MYO1D: variants seen among roughly 807,000 people sequenced by gnomAD.
The protein encoded by MYO1D is myosin ID.
MYO1D carries 83 observed loss-of-function variants against 122.0 expected under a neutral mutation model. The ratio of observed to expected loss-of-function variants is 0.68; its 90% CI spans 0.57 to 0.82. MYO1D has a LOEUF of 0.82. Ranked by LOEUF, MYO1D falls within the 40% of genes least tolerant of loss-of-function variation. MYO1D has a pLI of 0.00. For missense variants in MYO1D, 1,157 were observed against 1,269.5 expected (o/e 0.91, Z 1.35); for synonymous variants, 464 against 446.9 (o/e 1.04, Z -0.48).
At chr17:32,679,820 G>A (rs892117752) in intron 16 of MYO1D, among the ~76,000 whole-genome samples, 3 of 150,978 alleles carry the variant, frequency 2.0e-5, no homozygotes, top group African/African-American at 7.4e-5. Context: ...GCTTGATGGG[G>A]ATGGCATTGA....
chr17:32,511,794 T>C (rs990283026), intron 21 of MYO1D, among the ~76,000 whole-genome samples: 8 of 152,204 alleles, frequency 5.3e-5, no homozygotes, highest in Admixed American at 1.3e-4. Flanking sequence ...CACACCTTCC[T>C]CTGAACAGAC....
intron 15 of MYO1D, among the ~76,000 whole-genome samples, chr17:32,716,113 T>C (rs974611273): frequency 6.6e-6 from 1 of 152,238 alleles, no homozygotes; most frequent in African/African-American, 2.4e-5. Flanking sequence ...CCATCAATCA[T>C]GTTAACTTCT....
intron 21 of MYO1D, among the ~76,000 whole-genome samples, chr17:32,568,719 C>T (rs898022507): frequency 4.6e-5 from 7 of 152,244 alleles, no homozygotes; most frequent in Admixed American, 2.0e-4. Context: ...TTTTCTGACT[C>T]TTCCCCACCC....
intron 21 of MYO1D, among the ~76,000 whole-genome samples, chr17:32,534,543 G>T (rs1168027513): frequency 6.6e-6 from 1 of 152,160 alleles, no homozygotes; most frequent in Non-Finnish European, 1.5e-5. Context: ...ACACAGCAAA[G>T]ATTCTATTTC....
intron 20 of MYO1D, among the ~76,000 whole-genome samples, chr17:32,614,622 T>A (rs1217966034): frequency 6.6e-6 from 1 of 152,104 alleles, no homozygotes; most frequent in Non-Finnish European, 1.5e-5. Context: ...CCCTTCCCAG[T>A]CCCCCACATC....
intron 16 of MYO1D, among the ~76,000 whole-genome samples, chr17:32,679,766 C>A (rs920481085): frequency 2.6e-5 from 4 of 151,866 alleles, no homozygotes; most frequent in African/African-American, 9.7e-5. Flanking sequence ...TCCATATGAA[C>A]TTTAAAGTAG....
chr17:32,840,178 T>C (rs896557948), intron 1 of MYO1D, among the ~76,000 whole-genome samples: 3 of 152,160 alleles, frequency 2.0e-5, no homozygotes, highest in African/African-American at 7.2e-5. Flanking sequence ...AATAATTAGA[T>C]AATTACAACA....
chr17:32,858,794 G>A (rs1294795263), intron 1 of MYO1D, among the ~76,000 whole-genome samples: 2 of 152,140 alleles, frequency 1.3e-5, no homozygotes, highest in Non-Finnish European at 2.9e-5. Flanking sequence ...AACTTCAAAA[G>A]TTATTTATTA....
intron 1 of MYO1D, among the ~76,000 whole-genome samples, chr17:32,826,639 T>C (rs2151062133): frequency 6.6e-6 from 1 of 152,318 alleles, no homozygotes; most frequent in East Asian, 1.9e-4. Flanking sequence ...TGCCCTGATA[T>C]AGAAGACCGT....
intron 16 of MYO1D, among the ~76,000 whole-genome samples, chr17:32,672,536 A>G (rs2088736483): frequency 6.6e-6 from 1 of 152,130 alleles, no homozygotes; most frequent in Admixed American, 6.5e-5. Flanking sequence ...CCCAGGCTAG[A>G]GTGCAGTGGT....
intron 12 of MYO1D, 35 bp from the exon 13 acceptor site, chr17:32,745,320 T>C (rs778491888): frequency 5.8e-6 from 8 of 1,368,356 alleles, no homozygotes; most frequent in Non-Finnish European, 8.2e-6. Flanking sequence ...CATGTATCAT[T>C]TACCAAGCAA....
At chr17:32,804,205 G>A (rs556813331) in intron 1 of MYO1D, among the ~76,000 whole-genome samples, 2 of 152,174 alleles carry the variant, frequency 1.3e-5, no homozygotes, top group Admixed American at 6.5e-5. Context: ...ATGCAAACAC[G>A]ATGTAAACAG....
chr17:32,724,472 G>A (rs2089548642), intron 14 of MYO1D, among the ~76,000 whole-genome samples: 1 of 152,198 alleles, frequency 6.6e-6, no homozygotes, highest in African/African-American at 2.4e-5. Flanking sequence ...AGACATGGGA[G>A]ATCTAACAAC....
chr17:32,556,147 G>A (rs575177130), intron 21 of MYO1D, among the ~76,000 whole-genome samples: 9 of 152,318 alleles, frequency 5.9e-5, no homozygotes, highest in East Asian at 1.9e-4. Context: ...AGTTATTTAC[G>A]GAATGGGCAA....
rs553608721 is a variant in MYO1D at position 32,621,483 on chromosome 17, T to C, written c.2710-16242A>G. 9.2e-5 allele frequency among the ~76,000 whole-genome samples: 14 copies of C among 152,220 alleles called. No homozygotes were observed. In the South Asian group the frequency reaches 1.9e-3, roughly 20 times the overall value. On this transcript the variant is annotated intron_variant, in intron 20 of 21. Transcript: ENST00000318217. ...GGTAAGTGGTAGATGATAGAATTTA[T>C]TGAATGTGTGGAAGACAGTAAAAGC...
At chr17:32,648,752 C>A (rs141348289) in intron 19 of MYO1D, among the ~76,000 whole-genome samples, 11 of 152,276 alleles carry the variant, frequency 7.2e-5, no homozygotes, top group African/African-American at 2.6e-4. Flanking sequence ...CTTTTAATTG[C>A]GGTGTGTTTA....
In MYO1D at chr17:32,780,608, C is replaced by T; in HGVS notation, c.272G>A (p.Arg91Lys). ...IADAAYKAMK[R>K]RSKDTCIVIS... is the part of the protein sequence containing the mutation. ...CACAATACAAGTGTCTTTTGATCGCCTCTTCATAGCCTTGTAAGCAGCATC... is the reference window on the plus strand; with the variant it reads ...CACAATACAAGTGTCTTTTGATCGCTTCTTCATAGCCTTGTAAGCAGCATC... The change falls in exon 2 of 22, where the codon AGG becomes AAG. Residue 91 changes from arginine (R) to lysine (K), a missense_variant. Physicochemically the swap from Arg to Lys is conservative, Grantham distance 26 (BLOSUM62 2). Coordinates refer to ENST00000318217, the MANE Select transcript of MYO1D (RefSeq NM_015194.3). 2 of 1,614,056 alleles carry T rather than the reference C, an allele frequency of 1.2e-6. No individual in the cohort carries two copies. The highest frequency in any genetic ancestry group is 1.7e-6 in the Non-Finnish European group (2 of 1,180,020).
intron 16 of MYO1D, among the ~76,000 whole-genome samples, chr17:32,694,204 A>G (rs1220124710): frequency 2.0e-5 from 3 of 152,160 alleles, no homozygotes; most frequent in African/African-American, 7.2e-5. Flanking sequence ...TTTCATTTCC[A>G]TGATTCACCA....
intron 16 of MYO1D, among the ~76,000 whole-genome samples, chr17:32,704,263 G>C (rs1290029637): frequency 2.0e-5 from 3 of 152,176 alleles, no homozygotes; most frequent in Non-Finnish European, 2.9e-5. Context: ...AGAGAAGAAT[G>C]ACCTTTATAA....
Sources: gnomAD v4.1 joint callset for allele counts (sites outside exome capture counted in the v4.1 genomes callset) on GRCh38, gnomAD v4.1.1 for gene constraint, MANE v1.5 for transcripts, NCBI Gene and HGNC (gene_info 2026-07-23, HGNC 2026-07-21) for gene names.